The following NRG3 variants were observed in gnomAD, a reference collection of about 807,000 sequenced individuals.
NRG3 encodes the protein pro-neuregulin-3, membrane-bound isoform.
A neutral mutation model predicts 66.9 loss-of-function variants in NRG3; 31 were observed. The observed-to-expected ratio is 0.46, with a 90% CI of 0.35 to 0.63. NRG3 has a LOEUF of 0.63. NRG3 is among the 20% of genes least tolerant of loss of function. The probability of loss-of-function intolerance (pLI) is 0.00; values close to 1 mark genes in which losing one functional copy is unlikely to be tolerated. For synonymous variants in NRG3, 393 were observed against 359.4 expected (o/e 1.09, Z -1.06); for missense variants, 910 against 878.9 (o/e 1.04, Z -0.45).
chr10:82,943,921 T>C (rs1441975667), intron 4 of NRG3, among the ~76,000 whole-genome samples: 1 of 152,196 alleles, frequency 6.6e-6, no homozygotes, highest in Non-Finnish European at 1.5e-5. Context: ...ATAAACATAC[T>C]TGATATTGCC....
intron 1 of NRG3, among the ~76,000 whole-genome samples, chr10:82,036,290 C>A (rs2062787520): frequency 6.6e-6 from 1 of 152,094 alleles, no homozygotes; most frequent in Admixed American, 6.6e-5. Flanking sequence ...CATAAAACAA[C>A]CTGCAGTGAT....
At chr10:82,868,971 C>T (rs7894649) in intron 4 of NRG3, among the ~76,000 whole-genome samples, 6,026 of 152,230 alleles carry the variant, frequency 0.04, 141 homozygotes, top group Middle Eastern at 0.099. Flanking sequence ...GGATTACAGA[C>T]GTGAGCCACC....
intron 2 of NRG3, among the ~76,000 whole-genome samples, chr10:82,735,577 A>G (rs1017389818): frequency 6.6e-6 from 1 of 152,260 alleles, no homozygotes; most frequent in Non-Finnish European, 1.5e-5. Flanking sequence ...CTATGCAGCC[A>G]TAAAAAAGAA....
chr10:82,202,501 T>A (rs1354769696), intron 1 of NRG3, among the ~76,000 whole-genome samples: 1 of 152,234 alleles, frequency 6.6e-6, no homozygotes, highest in Non-Finnish European at 1.5e-5. Context: ...GATACCTTTT[T>A]ACCTCCTTCG....
intron 4 of NRG3, among the ~76,000 whole-genome samples, chr10:82,877,620 C>T (rs1841953545): frequency 6.7e-6 from 1 of 149,000 alleles, no homozygotes; most frequent in Non-Finnish European, 1.5e-5. Context: ...AACTCCTGAC[C>T]TCAGGTGATC....
At chr10:82,614,049 A>C (rs2048481802) in intron 2 of NRG3, among the ~76,000 whole-genome samples, 2 of 152,002 alleles carry the variant, frequency 1.3e-5, no homozygotes, top group Non-Finnish European at 2.9e-5. Flanking sequence ...ACAGGTGCCC[A>C]ACACCATGCC....
intron 1 of NRG3, among the ~76,000 whole-genome samples, chr10:82,150,530 C>CAAAAA (rs1188955647): frequency 7.9e-4 from 21 of 26,686 alleles, no homozygotes; most frequent in South Asian, 1.6e-3. Flanking sequence ...AGAGCACACA[C>CAAAAA]AAAAAAAAAA....
intron 1 of NRG3, among the ~76,000 whole-genome samples, chr10:82,063,512 C>CTTTT (rs60251056): frequency 0.22 from 32,733 of 147,372 alleles, 3,958 homozygotes; most frequent in East Asian, 0.36. Context: ...AGGAAAAGAT[C>CTTTT]TTTTTTTTTT....
intron 2 of NRG3, among the ~76,000 whole-genome samples, chr10:82,497,560 A>G (rs1400108470): frequency 1.3e-5 from 2 of 152,032 alleles, no homozygotes; most frequent in Admixed American, 6.6e-5. Flanking sequence ...TCTTTTTAAA[A>G]GCTGAATAGT....
chr10:82,438,995 C>T (rs2090297420), intron 2 of NRG3, among the ~76,000 whole-genome samples: 1 of 151,854 alleles, frequency 6.6e-6, no homozygotes, highest in African/African-American at 2.4e-5. Flanking sequence ...GGTCCTGACC[C>T]TAAATTATTA....
chr10:82,436,998 C>A (rs1012525253), intron 2 of NRG3, among the ~76,000 whole-genome samples: 9 of 152,122 alleles, frequency 5.9e-5, no homozygotes, highest in Admixed American at 5.2e-4. Flanking sequence ...CTTGGAGAAT[C>A]TGACGATTAT....
intron 2 of NRG3, among the ~76,000 whole-genome samples, chr10:82,515,669 C>G (rs910796505): frequency 3.3e-5 from 5 of 152,128 alleles, no homozygotes; most frequent in Admixed American, 3.3e-4. Context: ...CTCCTTCTTC[C>G]AAATTGTTGA....
Position 82,710,431 on chromosome 10 carries a change from C to T in NRG3, c.954-28146C>T, listed in dbSNP as rs118027962. ...TAAAACCAAGTCTCTACCAAAATTA[C>T]AAAAATTAGCCAGGCGTGGTGGCGC... is the stretch of plus-strand genomic sequence containing the variant. On this transcript the variant is annotated intron_variant, in intron 2 of 8. Coordinates refer to ENST00000372141, the MANE Select transcript of NRG3 (RefSeq NM_001010848.4). 9.3e-3 allele frequency among the ~76,000 whole-genome samples: 1,416 copies of T among 151,824 alleles called. 15 individuals are homozygous for T. The highest frequency in any genetic ancestry group is 0.014 in the Non-Finnish European group (942 of 67,936).
intron 4 of NRG3, among the ~76,000 whole-genome samples, chr10:82,883,421 T>C (rs1217217241): frequency 1.3e-5 from 2 of 152,198 alleles, no homozygotes; most frequent in Non-Finnish European, 2.9e-5. Flanking sequence ...CATGAAGTCA[T>C]AGATTCCTGG....
intron 1 of NRG3, among the ~76,000 whole-genome samples, chr10:82,320,245 G>T (rs1356036512): frequency 6.6e-6 from 1 of 152,194 alleles, no homozygotes; most frequent in East Asian, 1.9e-4. Context: ...GACATATGGT[G>T]ACCAGGGCAG....
chr10:82,472,130 C>G (rs1264293820), intron 2 of NRG3, among the ~76,000 whole-genome samples: 9 of 151,910 alleles, frequency 5.9e-5, no homozygotes, highest in Non-Finnish European at 1.3e-4. Context: ...TTCAAATTAA[C>G]CATGGTCAAA....
chr10:82,648,831 G>C (rs563506348), intron 2 of NRG3, among the ~76,000 whole-genome samples: 119 of 152,276 alleles, frequency 7.8e-4, no homozygotes, highest in African/African-American at 2.8e-3. Flanking sequence ...GTATGAGAAT[G>C]CTTGTGATTT....
chr10:81,991,629 A>G (rs1230639635), intron 1 of NRG3, among the ~76,000 whole-genome samples: 1 of 152,212 alleles, frequency 6.6e-6, no homozygotes, highest in Non-Finnish European at 1.5e-5. Flanking sequence ...AAGCCTATTT[A>G]CCAGTTCTGT....
chr10:82,458,625 A>G (rs1335854263), intron 2 of NRG3, among the ~76,000 whole-genome samples: 1 of 152,250 alleles, frequency 6.6e-6, no homozygotes, highest in Non-Finnish European at 1.5e-5. Flanking sequence ...CAAGAAGGAC[A>G]CAAAGAACAG....
Sources: allele counts gnomAD v4.1 joint callset (sites outside exome capture counted in the v4.1 genomes callset), GRCh38; gene constraint gnomAD v4.1.1; transcripts MANE v1.5; gene names NCBI Gene and HGNC (gene_info 2026-07-23, HGNC 2026-07-21).